Variants in ATF7IP2 observed in about 807,000 individuals in gnomAD.
ATF7IP2 encodes the protein activating transcription factor 7 interacting protein 2.
Under a neutral mutation model 64.2 loss-of-function variants are expected in ATF7IP2, and 42 were observed. The ratio of observed to expected loss-of-function variants is 0.65; its 90% CI spans 0.51 to 0.85. The LOEUF is 0.85. Among genes scored for constraint, ATF7IP2 ranks in the 40% least tolerant of loss-of-function variants. The pLI is 0.00. For synonymous variants in ATF7IP2, 308 were observed against 272.8 expected (o/e 1.13, Z -1.27); for missense variants, 933 against 784.2 (o/e 1.19, Z -2.27).
At chr16:10,456,918 G>A (rs1164206662) in intron 8 of ATF7IP2, among the ~76,000 whole-genome samples, 1 of 152,098 alleles carries the variant, frequency 6.6e-6, no homozygotes, top group African/African-American at 2.4e-5. Context: ...ATAAAATGCT[G>A]CAAGTTCTCA....
chr16:10,460,212 G>T (rs2049328684), intron 9 of ATF7IP2, among the ~76,000 whole-genome samples: 1 of 151,960 alleles, frequency 6.6e-6, no homozygotes, highest in Admixed American at 6.6e-5. Flanking sequence ...AAGTACCTAG[G>T]AATACATTTA....
chr16:10,411,267 G>C (rs1312418292), intron 1 of ATF7IP2, among the ~76,000 whole-genome samples: 2 of 151,698 alleles, frequency 1.3e-5, no homozygotes, highest in Admixed American at 6.6e-5. Flanking sequence ...TCTATCTTTT[G>C]GAATAGAGTC....
intron 9 of ATF7IP2, among the ~76,000 whole-genome samples, chr16:10,462,070 T>C (rs1026463690): frequency 1.3e-5 from 2 of 152,100 alleles, no homozygotes; most frequent in Non-Finnish European, 2.9e-5. Context: ...ACCGTTTTCA[T>C]TATTCCTTTA....
intron 1 of ATF7IP2, among the ~76,000 whole-genome samples, chr16:10,390,276 G>C (rs1225717490): frequency 2.0e-5 from 3 of 152,018 alleles, no homozygotes; most frequent in African/African-American, 7.2e-5. Flanking sequence ...CAGGAAAAAA[G>C]ATTAAGCTAA....
chr16:10,431,443 A>C lies in ATF7IP2; in HGVS notation c.823A>C (p.Thr275Pro). Residue 275 changes from threonine to proline, a missense_variant, in exon 5 of 14, where the codon ACT (threonine) becomes CCT (proline). Thr to Pro is a conservative substitution (Grantham distance 38). Transcript: ENST00000562102. ...CTCAACATGGCAGTCATCACTTGACACTAATAACAACAGTAAGTATATACT... is the reference window on the plus strand; with the variant it reads ...CTCAACATGGCAGTCATCACTTGACCCTAATAACAACAGTAAGTATATACT... Reference protein sequence around the residue: ...ADSTWQSSLDTNNNSHYQKKR... With the variant: ...ADSTWQSSLDPNNNSHYQKKR... The C allele has an allele frequency of 6.3e-7, 1 of 1,590,510 alleles. No homozygotes were observed. Among genetic ancestry groups the C allele is most frequent in the Non-Finnish European group, 8.6e-7 (1 of 1,164,668 alleles).
intron 7 of ATF7IP2, among the ~76,000 whole-genome samples, chr16:10,439,977 A>T (rs1172897946): frequency 6.6e-6 from 1 of 151,564 alleles, no homozygotes; most frequent in African/African-American, 2.4e-5. Context: ...CCTGACCAAC[A>T]TGGAGAAACC....
At chr16:10,396,087 T>C (rs1222402353) in intron 1 of ATF7IP2, among the ~76,000 whole-genome samples, 1 of 152,180 alleles carries the variant, frequency 6.6e-6, no homozygotes, top group Non-Finnish European at 1.5e-5. Flanking sequence ...TCAGTGTACA[T>C]AAATCTGTTT....
At chr16:10,434,633 G>C (rs1286462188) in intron 6 of ATF7IP2, among the ~76,000 whole-genome samples, 1 of 152,200 alleles carries the variant, frequency 6.6e-6, no homozygotes, top group African/African-American at 2.4e-5. Flanking sequence ...GAAGACCAAA[G>C]GAGACAGTAA....
At chr16:10,476,686 G>A (rs988915728) in intron 12 of ATF7IP2, among the ~76,000 whole-genome samples, 1 of 151,998 alleles carries the variant, frequency 6.6e-6, no homozygotes, top group African/African-American at 2.4e-5. Flanking sequence ...GGCCTAGTGT[G>A]TGTTGTTCCC....
chr16:10,425,022 C>A (rs961815575), intron 3 of ATF7IP2, among the ~76,000 whole-genome samples: 3 of 149,738 alleles, frequency 2.0e-5, no homozygotes, highest in Admixed American at 1.3e-4. Context: ...ATTATGTCCA[C>A]ATAAAAACTT....
intron 1 of ATF7IP2, chr16:10,387,824 T>TCCCCCCCCCCCCCCCCCC (rs5815573): frequency 2.5e-4 from 33 of 130,572 alleles, no homozygotes; most frequent in African/African-American, 4.5e-4. Flanking sequence ...TCTATTTTAC[T>TCCCCCCCCCCCCCCCCCC]CCCCCCCCCT....
rs148572656 is a variant in ATF7IP2 at position 10,400,330 on chromosome 16, C to T, written c.-242+14208C>T. 4.6e-3 allele frequency among the ~76,000 whole-genome samples: 708 copies of T among 152,290 alleles called. 3 individuals carry two copies. The highest frequency in any genetic ancestry group is 0.031 in the East Asian group (158 of 5,178). On this transcript the variant is annotated intron_variant, in intron 1 of 13. Transcript: ENST00000562102. ...TGTTGGGATTACAGGCATTAGCCAC[C>T]GTGCCCAGCCGTGTGTTGATTTTTG...
At chr16:10,465,324 G>A (rs966137054) in intron 9 of ATF7IP2, among the ~76,000 whole-genome samples, 1 of 152,004 alleles carries the variant, frequency 6.6e-6, no homozygotes, top group Non-Finnish European at 1.5e-5. Context: ...CTAGAGAAAT[G>A]AATTACTAAT....
At chr16:10,415,394 A>G (rs61135859) in intron 2 of ATF7IP2, among the ~76,000 whole-genome samples, 2,786 of 152,348 alleles carry the variant, frequency 0.018, 72 homozygotes, top group African/African-American at 0.063. Context: ...AGTCTCTTCA[A>G]TAAATGGTGC....
At chr16:10,415,796 C>G (rs565932862) in intron 2 of ATF7IP2, among the ~76,000 whole-genome samples, 1 of 152,276 alleles carries the variant, frequency 6.6e-6, no homozygotes, top group East Asian at 1.9e-4. Context: ...ATGGTAATAC[C>G]TGAATAGACA....
intron 1 of ATF7IP2, among the ~76,000 whole-genome samples, chr16:10,401,693 A>ACT: frequency 6.7e-6 from 1 of 149,730 alleles, no homozygotes; most frequent in East Asian, 2.0e-4. Context: ...GTATTAGTTC[A>ACT]GCTTTGTATG....
At chr16:10,474,652 T>C (rs916311315) in intron 12 of ATF7IP2, among the ~76,000 whole-genome samples, 1 of 152,096 alleles carries the variant, frequency 6.6e-6, no homozygotes, top group African/African-American at 2.4e-5. Flanking sequence ...TCATTGGAAT[T>C]TAATGAAAAG....
chr16:10,450,327 A>G (rs1424333850), intron 8 of ATF7IP2, among the ~76,000 whole-genome samples: 1 of 152,184 alleles, frequency 6.6e-6, no homozygotes, highest in Non-Finnish European at 1.5e-5. Context: ...GATGTCTATT[A>G]GGTCCACTTG....
At chr16:10,442,634 G>A (rs2048667491) in intron 8 of ATF7IP2, among the ~76,000 whole-genome samples, 2 of 152,168 alleles carry the variant, frequency 1.3e-5, no homozygotes, top group African/African-American at 4.8e-5. Context: ...ATAAGGAGGT[G>A]AGACCTTGTA....
Sources: allele counts gnomAD v4.1 joint callset (sites outside exome capture counted in the v4.1 genomes callset), GRCh38; gene constraint gnomAD v4.1.1; transcripts MANE v1.5; gene names NCBI Gene and HGNC (gene_info 2026-07-23, HGNC 2026-07-21).